The following TENM2 variants were observed in gnomAD, a reference collection of about 807,000 sequenced individuals.
The protein encoded by TENM2 is teneurin transmembrane protein 2.
Under a neutral mutation model 245.2 loss-of-function variants are expected in TENM2, and 52 were observed. The observed-to-expected ratio is 0.21, with a 90% CI of 0.17 to 0.27. The LOEUF (loss-of-function observed/expected upper bound fraction) is 0.27, where lower values mean the gene tolerates loss of function less well. Among genes scored for constraint, TENM2 ranks in the 10% least tolerant of loss-of-function variants. The pLI, the probability that TENM2 is intolerant of heterozygous loss-of-function variation, is 1.00. For missense variants in TENM2, 3,046 were observed against 3,666.8 expected (o/e 0.83, Z 4.37); for synonymous variants, 1,363 against 1,438.9 (o/e 0.95, Z 1.19).
Position 167,607,702 on chromosome 5 carries a change from C to T in TENM2, c.502+232229C>T, listed in dbSNP as rs544312500. On this transcript the variant is annotated intron_variant, in intron 2 of 28. Coordinates refer to ENST00000518659, the Ensembl canonical transcript of TENM2. ...ATTGTCTTGCATTTGTTTCTAGGGA[C>T]GATAGTCATTCATGCTATCAATATT... Among the ~76,000 whole-genome samples, 5 of 152,246 alleles carry T rather than the reference C, an allele frequency of 3.3e-5. No individual in the cohort carries two copies. In the East Asian group the frequency reaches 7.7e-4, roughly 24 times the overall value.
At chr5:167,116,551 A>G in the TENM2 span, 1 of 152,222 alleles carries the variant, frequency 6.6e-6, no homozygotes, top group South Asian at 2.1e-4. Context: ...TACAATAGTT[A>G]TAAATCATTT....
At chr5:167,849,446 T>G (rs914481579) in intron 2 of TENM2, among the ~76,000 whole-genome samples, 3 of 152,172 alleles carry the variant, frequency 2.0e-5, no homozygotes, top group Non-Finnish European at 4.4e-5. Flanking sequence ...ACACTTCACT[T>G]CTGGTTACCA....
chr5:167,165,645 A>G, the TENM2 span, among the ~76,000 whole-genome samples: 1 of 152,204 alleles, frequency 6.6e-6, no homozygotes, highest in African/African-American at 2.4e-5. Flanking sequence ...AGATCAAGCT[A>G]TGACTAAGGT....
At chr5:167,613,261 A>T (rs186284233) in intron 2 of TENM2, among the ~76,000 whole-genome samples, 29 of 152,272 alleles carry the variant, frequency 1.9e-4, no homozygotes, top group African/African-American at 6.7e-4. Flanking sequence ...CACGATAATA[A>T]AATTACTTAC....
At chr5:167,381,598 G>A (rs1049135574) in intron 2 of TENM2, among the ~76,000 whole-genome samples, 3 of 152,080 alleles carry the variant, frequency 2.0e-5, no homozygotes, top group African/African-American at 7.2e-5. Context: ...GGTTTTGGTT[G>A]GGACAGATCA....
chr5:167,986,714 C>T (rs746129262), intron 4 of TENM2, among the ~76,000 whole-genome samples: 5 of 152,190 alleles, frequency 3.3e-5, no homozygotes, highest in Non-Finnish European at 5.9e-5. Flanking sequence ...AGCTGAGCTA[C>T]TTCCATGACC....
chr5:167,577,808 C>T (rs1310649546), intron 2 of TENM2, among the ~76,000 whole-genome samples: 1 of 152,178 alleles, frequency 6.6e-6, no homozygotes, highest in African/African-American at 2.4e-5. Flanking sequence ...AAAGATGCCT[C>T]TCCACTCACT....
chr5:167,659,842 C>A (rs143146316), intron 2 of TENM2, among the ~76,000 whole-genome samples: 2 of 152,256 alleles, frequency 1.3e-5, no homozygotes, highest in African/African-American at 2.4e-5. Context: ...ATGTGTTTGC[C>A]ATAATTAATT....
the TENM2 span, among the ~76,000 whole-genome samples, chr5:167,203,025 C>T: frequency 6.6e-6 from 1 of 152,162 alleles, no homozygotes; most frequent in Non-Finnish European, 1.5e-5. Flanking sequence ...ATACCATACA[C>T]ATCTTACCTA....
chr5:168,118,357 G>A (rs747612752), exon 10 of TENM2: 10 of 1,611,390 alleles, frequency 6.2e-6, no homozygotes, highest in East Asian at 2.2e-5. Flanking sequence ...GTGCTACAGC[G>A]GCTGGAAAGG....
chr5:167,187,029 C>T, the TENM2 span, among the ~76,000 whole-genome samples: 1 of 152,206 alleles, frequency 6.6e-6, no homozygotes, highest in African/African-American at 2.4e-5. Flanking sequence ...TGTCTTCAGA[C>T]ACACAGTTGT....
intron 1 of TENM2, among the ~76,000 whole-genome samples, chr5:167,325,329 G>T (rs1304287165): frequency 6.6e-6 from 1 of 152,072 alleles, no homozygotes. Context: ...AAGTAAATAC[G>T]GTTTAAATAT....
At chr5:168,062,385 A>G (rs1205915528) in intron 7 of TENM2, 120 bp downstream of exon 9, 16 of 820,114 alleles carry the variant, frequency 2.0e-5, no homozygotes, top group Non-Finnish European at 3.0e-5. Context: ...GACAATAAAA[A>G]TGTTGGCGAG....
chr5:167,624,658 C>T (rs1403080164), intron 2 of TENM2, among the ~76,000 whole-genome samples: 2 of 152,114 alleles, frequency 1.3e-5, no homozygotes, highest in South Asian at 4.1e-4. Flanking sequence ...AGACAAAAAT[C>T]CTGACATATA....
chr5:167,573,533 T>TCC (rs1774424705), intron 2 of TENM2, among the ~76,000 whole-genome samples: 1 of 147,354 alleles, frequency 6.8e-6, no homozygotes, highest in Admixed American at 6.7e-5. Context: ...CCTCTCCCCC[T>TCC]CTCTCTCTCT....
At position 167,685,464 on chromosome 5, in the gene TENM2, C is replaced by T. The variant is rs1026819757; in HGVS notation, c.503-190522C>T. 5.5e-4 allele frequency among the ~76,000 whole-genome samples: 83 copies of T among 152,132 alleles called. 1 individual carries two copies. Among genetic ancestry groups the T allele is most frequent in the Admixed American group, 5.2e-3 (80 of 15,270 alleles). ...CTTTTTCCTTCTGTACTCAATTGTACTCTTTCCTAAAGAATCCCCGATGTG... is the reference window on the plus strand; with the variant it reads ...CTTTTTCCTTCTGTACTCAATTGTATTCTTTCCTAAAGAATCCCCGATGTG... On this transcript the variant is annotated intron_variant, in intron 2 of 28. Coordinates refer to ENST00000518659, the Ensembl canonical transcript of TENM2.
the TENM2 span, among the ~76,000 whole-genome samples, chr5:167,037,669 A>C: frequency 1.3e-5 from 2 of 152,096 alleles, no homozygotes; most frequent in Non-Finnish European, 2.9e-5. Context: ...TGCTTTTGCC[A>C]CCCCAAGATG....
chr5:168,037,921 T>C (rs1320610151), intron 5 of TENM2, among the ~76,000 whole-genome samples: 1 of 152,222 alleles, frequency 6.6e-6, no homozygotes, highest in Admixed American at 6.5e-5. Flanking sequence ...TCTGCCATTC[T>C]AATGTGACAC....
the TENM2 span, among the ~76,000 whole-genome samples, chr5:167,078,625 A>C: frequency 1.4e-4 from 21 of 152,314 alleles, no homozygotes; most frequent in Admixed American, 2.6e-4. Flanking sequence ...TGTTCCTTAA[A>C]GTCTCTGTGA....
Sources: gnomAD v4.1 joint callset for allele counts (sites outside exome capture counted in the v4.1 genomes callset) on GRCh38, gnomAD v4.1.1 for gene constraint, MANE v1.5 for transcripts, NCBI Gene and HGNC (gene_info 2026-07-23, HGNC 2026-07-21) for gene names.